MTUS2: variants seen among roughly 807,000 people sequenced by gnomAD.
The protein encoded by MTUS2 is microtubule-associated tumor suppressor candidate 2.
In MTUS2, 40 loss-of-function variants were observed where a neutral mutation model predicts 114.1. The ratio of observed to expected loss-of-function variants is 0.35; its 90% CI spans 0.27 to 0.46. MTUS2 has a LOEUF of 0.46. MTUS2 is among the 20% of genes least tolerant of loss of function. The pLI is 1.00. For synonymous variants in MTUS2, 688 were observed against 672.0 expected (o/e 1.02, Z -0.37); for missense variants, 1,679 against 1,705.4 (o/e 0.98, Z 0.27).
At chr13:28,897,686 A>G (rs1267271739) in intron 2 of MTUS2, among the ~76,000 whole-genome samples, 6 of 152,312 alleles carry the variant, frequency 3.9e-5, no homozygotes, top group Non-Finnish European at 5.9e-5. Context: ...GATTAAGAAA[A>G]TGTGGCACAT....
intron 5 of MTUS2, among the ~76,000 whole-genome samples, chr13:29,274,924 A>G (rs1344977581): frequency 6.6e-6 from 1 of 152,036 alleles, no homozygotes; most frequent in Non-Finnish European, 1.5e-5. Context: ...TTGTAGAGAC[A>G]GGGTCTCACT....
At chr13:29,140,318 G>A (rs1328317884) in intron 5 of MTUS2, among the ~76,000 whole-genome samples, 1 of 152,142 alleles carries the variant, frequency 6.6e-6, no homozygotes, top group Non-Finnish European at 1.5e-5. Flanking sequence ...TTCTCACAGG[G>A]GTGACCTGCT....
intron 5 of MTUS2, among the ~76,000 whole-genome samples, chr13:29,163,899 C>T (rs750165121): frequency 2.6e-5 from 4 of 152,228 alleles, no homozygotes; most frequent in Middle Eastern, 6.8e-3. Context: ...AAATCTGGAG[C>T]CCTGATGCCC....
At chr13:28,906,990 G>A (rs1028816455) in intron 2 of MTUS2, among the ~76,000 whole-genome samples, 1 of 151,386 alleles carries the variant, frequency 6.6e-6, no homozygotes, top group Non-Finnish European at 1.5e-5. Context: ...AAATGTTAAG[G>A]GCAGCCAGAG....
At chr13:29,233,327 G>A (rs1227603134) in intron 5 of MTUS2, among the ~76,000 whole-genome samples, 1 of 152,104 alleles carries the variant, frequency 6.6e-6, no homozygotes, top group Admixed American at 6.6e-5. Context: ...TAGACAATCG[G>A]TGAGAACAGA....
chr13:29,441,775 A>G lies in MTUS2; in HGVS notation c.3184+1726A>G, dbSNP rs529111661. The stretch of plus-strand genomic sequence containing the variant: ...GCCCTCCCGTGCATGCACACATTGT[A>G]CATGTGTGCACACACACATGCACAC... On this transcript the variant is annotated intron_variant, in intron 9 of 15. Coordinates refer to ENST00000612955, the MANE Select transcript of MTUS2 (RefSeq NM_001033602.4). Among the ~76,000 whole-genome samples the G allele has an allele frequency of 1.1e-4, 16 of 152,196 alleles. No individual in the cohort carries two copies. In the East Asian group the frequency reaches 2.7e-3, roughly 26 times the overall value.
At chr13:29,177,649 G>T (rs1430310884) in intron 5 of MTUS2, among the ~76,000 whole-genome samples, 1 of 152,152 alleles carries the variant, frequency 6.6e-6, no homozygotes, top group Admixed American at 6.5e-5. Flanking sequence ...GAGCAAAGTA[G>T]CAATTGGTTC....
At chr13:29,279,300 A>G (rs1316612622) in intron 5 of MTUS2, among the ~76,000 whole-genome samples, 1 of 152,148 alleles carries the variant, frequency 6.6e-6, no homozygotes, top group Non-Finnish European at 1.5e-5. Context: ...GGTCAAGTGG[A>G]AGGGTAGGTA....
chr13:29,290,859 T>C (rs1218925206), intron 6 of MTUS2, among the ~76,000 whole-genome samples: 1 of 152,148 alleles, frequency 6.6e-6, no homozygotes, highest in African/African-American at 2.4e-5. Flanking sequence ...CCCCAAATCC[T>C]TAGCACCAAC....
intron 5 of MTUS2, among the ~76,000 whole-genome samples, chr13:29,199,402 G>A (rs1446168618): frequency 1.3e-5 from 2 of 152,158 alleles, no homozygotes; most frequent in Non-Finnish European, 2.9e-5. Flanking sequence ...AGCATGAAGG[G>A]CTGTTGAATT....
chr13:29,407,447 C>CTTAT (rs199911224), intron 8 of MTUS2, among the ~76,000 whole-genome samples: 51,809 of 139,030 alleles, frequency 0.37, 10,748 homozygotes, highest in Admixed American at 0.46. Flanking sequence ...AGTGATTGTA[C>CTTAT]TTATTTATTT....
chr13:29,345,103 C>A (rs1325528196), intron 7 of MTUS2, among the ~76,000 whole-genome samples: 1 of 152,096 alleles, frequency 6.6e-6, no homozygotes, highest in East Asian at 1.9e-4. Flanking sequence ...TTTCCTTTGT[C>A]TTCACCTTAG....
Position 29,343,132 on chromosome 13 carries a change from TG to T in MTUS2, c.2906-16129del, listed in dbSNP as rs1325658959. Among the ~76,000 whole-genome samples, 3 of 152,072 alleles carry T rather than the reference TG, an allele frequency of 2.0e-5. 1 individual carries two copies. The East Asian group carries it at 5.8e-4, about 29-fold the overall frequency. On this transcript the variant is annotated intron_variant, in intron 7 of 15. Transcript: ENST00000612955. ...GGTCTGTAATTTTCTTTTTTTGTGATGTTCTTTCCTGGTTTTAGTATTAGGG... is the reference window on the plus strand; with the variant it reads ...GGTCTGTAATTTTCTTTTTTTGTGATTTCTTTCCTGGTTTTAGTATTAGGG...
At chr13:29,202,872 C>G (rs200141406) in intron 5 of MTUS2, among the ~76,000 whole-genome samples, 1 of 152,198 alleles carries the variant, frequency 6.6e-6, no homozygotes, top group Non-Finnish European at 1.5e-5. Context: ...CTGTTCCTTC[C>G]TCTGGAAGGT....
At chr13:29,416,436 T>TATA (rs1214438080) in intron 8 of MTUS2, among the ~76,000 whole-genome samples, 2 of 151,070 alleles carry the variant, frequency 1.3e-5, no homozygotes, top group East Asian at 3.9e-4. Context: ...ATAACATATA[T>TATA]GTAGCACATA....
At chr13:28,858,153 A>C (rs1876751961) in intron 2 of MTUS2, among the ~76,000 whole-genome samples, 4 of 152,100 alleles carry the variant, frequency 2.6e-5, no homozygotes, top group African/African-American at 2.4e-5. Flanking sequence ...GAGTTTCAGG[A>C]TGTGTAGATC....
chr13:28,821,907 C>A (rs1873928804), intron 1 of MTUS2, among the ~76,000 whole-genome samples: 1 of 152,164 alleles, frequency 6.6e-6, no homozygotes, highest in Non-Finnish European at 1.5e-5. Context: ...TCTTGATTTT[C>A]CTGCGAAGAG....
intron 5 of MTUS2, among the ~76,000 whole-genome samples, chr13:29,256,219 A>T (rs183556355): frequency 6.6e-6 from 1 of 152,214 alleles, no homozygotes; most frequent in South Asian, 2.1e-4. Flanking sequence ...GCTTATCCCA[A>T]TGGTGGTTGG....
chr13:28,997,765 A>G (rs1057075350), intron 2 of MTUS2, among the ~76,000 whole-genome samples: 1 of 151,624 alleles, frequency 6.6e-6, no homozygotes, highest in Non-Finnish European at 1.5e-5. Flanking sequence ...CCATCCCTTT[A>G]TTTTGAGCCT....
Sources: gnomAD v4.1 joint callset for allele counts (sites outside exome capture counted in the v4.1 genomes callset) on GRCh38, gnomAD v4.1.1 for gene constraint, MANE v1.5 for transcripts, NCBI Gene and HGNC (gene_info 2026-07-23, HGNC 2026-07-21) for gene names.